Variants in TPX2 observed in about 807,000 individuals in gnomAD.
TPX2 encodes TPX2 microtubule nucleation factor.
Under a neutral mutation model 93.6 loss-of-function variants are expected in TPX2, and 21 were observed. The observed-to-expected ratio is 0.22, with a 90% CI of 0.16 to 0.32. The LOEUF is 0.32. TPX2 is among the 10% of genes least tolerant of loss of function. The pLI is 1.00. For synonymous variants in TPX2, 281 were observed against 298.3 expected, an observed-to-expected ratio of 0.94 and a Z score of 0.60; for missense variants, 776 against 871.1, an observed-to-expected ratio of 0.89 and a Z score of 1.37.
chr20:31,757,273 G>A (rs1399200642), intron 2 of TPX2, 134 bp from the exon 3 acceptor site: 2 of 552,766 alleles, frequency 3.6e-6, no homozygotes, highest in African/African-American at 1.9e-5. Flanking sequence ...AAAAACTAAT[G>A]TTTAGGTTGA....
rs1211338459 is a variant in TPX2 at position 31,793,888 on chromosome 20, C to G, written c.1550C>G (p.Pro517Arg). 1.2e-6 allele frequency: 2 copies of G among 1,611,768 alleles called. No individual in the cohort carries two copies. Among genetic ancestry groups the G allele is most frequent in the South Asian group, 2.2e-5 (2 of 90,808 alleles). ...GTAGTGATAAAAGCTCAACCTGTGC[C>G]ACATTATGGGGTGCCTTTTAAGCCC... ...EPVVIKAQPVPHYGVPFKPQI... is the reference protein window; with the variant it reads ...EPVVIKAQPVRHYGVPFKPQI... Residue 517 changes from proline to arginine, a missense_variant, in exon 14 of 18, where the codon CCA becomes CGA. By Grantham distance (103) the Pro-to-Arg change is moderately radical. Coordinates refer to ENST00000300403, the MANE Select transcript of TPX2 (RefSeq NM_012112.5).
At chr20:31,777,145 G>C (rs1271922669) in intron 8 of TPX2, among the ~76,000 whole-genome samples, 1 of 152,162 alleles carries the variant, frequency 6.6e-6, no homozygotes, top group Non-Finnish European at 1.5e-5. Flanking sequence ...TGAGTTAACT[G>C]TGCTTTCAAA....
chr20:31,799,252 C>T (rs903415307), intron 17 of TPX2, among the ~76,000 whole-genome samples: 3 of 152,090 alleles, frequency 2.0e-5, no homozygotes, highest in Non-Finnish European at 2.9e-5. Context: ...AATGAAGAAG[C>T]AGACAGTTTT....
intron 1 of TPX2, among the ~76,000 whole-genome samples, chr20:31,741,644 A>C (rs773166040): frequency 6.6e-6 from 1 of 151,976 alleles, no homozygotes; most frequent in African/African-American, 2.4e-5. Context: ...ACACCCGGCT[A>C]GTTTTTTTGT....
At chr20:31,771,199 C>T (rs1255003888) in intron 6 of TPX2, among the ~76,000 whole-genome samples, 1 of 152,102 alleles carries the variant, frequency 6.6e-6, no homozygotes, top group Non-Finnish European at 1.5e-5. Flanking sequence ...TAGCTTAGTG[C>T]GTTGCTGCTC....
intron 2 of TPX2, among the ~76,000 whole-genome samples, chr20:31,756,329 T>G (rs1293315054): frequency 1.3e-5 from 2 of 152,154 alleles, no homozygotes; most frequent in African/African-American, 2.4e-5. Context: ...AGGCAACAAT[T>G]TTGTATGATA....
Position 31,792,805 on chromosome 20 carries a change from T to A in TPX2, c.1484T>A (p.Ile495Asn). 1.2e-6 allele frequency: 2 copies of A among 1,614,180 alleles called. No individual in the cohort carries two copies. Among genetic ancestry groups the A allele is most frequent in the Non-Finnish European group, 8.5e-7 (1 of 1,180,024 alleles). ...CCAGCCTTTGCATTGAAGAACAGAATTCGAATGCCCACCAAAGAAGATGAG... is the reference window on the plus strand; with the variant it reads ...CCAGCCTTTGCATTGAAGAACAGAAATCGAATGCCCACCAAAGAAGATGAG... ...KSPAFALKNR[I>N]RMPTKEDEEE... Residue 495 changes from isoleucine to asparagine, a missense_variant, in exon 13 of 18, where the codon ATT (isoleucine) becomes AAT (asparagine). Coordinates refer to ENST00000300403, the MANE Select transcript of TPX2 (RefSeq NM_012112.5).
At position 31,793,881 on chromosome 20, in the gene TPX2, C is replaced by G. The variant is rs532371108; in HGVS notation, c.1543C>G (p.Pro515Ala). Reference protein sequence around the residue: ...EDEPVVIKAQPVPHYGVPFKP... With the variant: ...EDEPVVIKAQAVPHYGVPFKP... ...CGAACCGGTAGTGATAAAAGCTCAACCTGTGCCACATTATGGGGTGCCTTT... is the reference window on the plus strand; with the variant it reads ...CGAACCGGTAGTGATAAAAGCTCAAGCTGTGCCACATTATGGGGTGCCTTT... Residue 515 changes from proline (P) to alanine (A), a missense_variant, in exon 14 of 18, where the codon CCT (proline) becomes GCT (alanine). By Grantham distance (27) the Pro-to-Ala change is conservative (BLOSUM62 -1). Transcript: ENST00000300403. The G allele has an allele frequency of 3.8e-5, 61 of 1,611,188 alleles. No individual in the cohort carries two copies. In the South Asian group the frequency reaches 6.7e-4, roughly 18 times the overall value.
intron 8 of TPX2, among the ~76,000 whole-genome samples, chr20:31,776,685 C>T (rs2062002247): frequency 6.6e-6 from 1 of 152,046 alleles, no homozygotes; most frequent in African/African-American, 2.4e-5. Context: ...ACCACCACGT[C>T]TGGCTAGTTC....
chr20:31,776,050 G>GTTTTTT lies in TPX2; in HGVS notation c.730+98_730+103dup, dbSNP rs10528470. The GTTTTTT allele has an allele frequency of 6.2e-4, 207 of 331,388 alleles. 43 individuals carry two copies. Among genetic ancestry groups the GTTTTTT allele is most frequent in the East Asian group, 1.6e-3 (5 of 3,208 alleles). The allele number at this position is 331,388 out of a possible 1,614,324, so 20.5% of individuals were successfully genotyped here. On this transcript the variant is annotated intron_variant, in intron 8 of 17. Coordinates refer to ENST00000300403, the MANE Select transcript of TPX2 (RefSeq NM_012112.5). ...GTGGTTCTTAACACTCTTGGTAGGT[G>GTTTTTT]TTTTTTTTTTTTTTTTTTTTTTTTT...
At chr20:31,774,458 C>T (rs911642035) in intron 7 of TPX2, among the ~76,000 whole-genome samples, 4 of 151,544 alleles carry the variant, frequency 2.6e-5, no homozygotes, top group African/African-American at 7.3e-5. Context: ...CTATAAGTGT[C>T]CTTGGTGATA....
intron 15 of TPX2, among the ~76,000 whole-genome samples, chr20:31,794,792 A>ATGTG (rs1568610103): frequency 3.8e-4 from 40 of 105,716 alleles, no homozygotes; most frequent in Non-Finnish European, 7.5e-4. Flanking sequence ...GTGTGTGTGT[A>ATGTG]TGTGTGTGTG....
chr20:31,766,420 T>G, intron 4 of TPX2, 136 bp from the exon 5 acceptor site: 1 of 965,762 alleles, frequency 1.0e-6, no homozygotes, highest in Non-Finnish European at 1.5e-6. Context: ...TGTATAAGAT[T>G]TAACTGGAAC....
intron 15 of TPX2, among the ~76,000 whole-genome samples, 180 bp downstream of exon 15, chr20:31,794,728 G>A (rs963900032): frequency 6.6e-6 from 1 of 151,650 alleles, no homozygotes; most frequent in South Asian, 2.1e-4. Context: ...TTTAGGTTTT[G>A]TAGGTTACAT....
rs754249727 is a variant in TPX2, at chr20:31,798,431, G to A, written c.2012G>A (p.Arg671Gln). The change falls in exon 17 of 18, where the codon CGG becomes CAG. Residue 671 changes from arginine (R) to glutamine (Q), a missense_variant. By Grantham distance (43) the Arg-to-Gln change is conservative. Coordinates refer to ENST00000300403, the MANE Select transcript of TPX2 (RefSeq NM_012112.5). ...GCTACTGAGAAGAGAGCCAAAGAGC[G>A]GCAGGAGCTGGAGAAGAGAATGGCT... ...QLATEKRAKE[R>Q]QELEKRMAEV... The A allele has an allele frequency of 7.4e-6, 12 of 1,613,920 alleles. No individual in the cohort carries two copies. Among genetic ancestry groups the A allele is most frequent in the East Asian group, 4.5e-5 (2 of 44,898 alleles).
intron 2 of TPX2, among the ~76,000 whole-genome samples, chr20:31,744,970 C>T (rs1267878987): frequency 1.3e-5 from 2 of 151,956 alleles, no homozygotes; most frequent in Non-Finnish European, 2.9e-5. Context: ...GCCTGTAATC[C>T]CACTTACTCG....
At chr20:31,797,264 G>A in intron 15 of TPX2, 140 bp from the exon 16 acceptor site, 1 of 702,222 alleles carries the variant, frequency 1.4e-6, no homozygotes, top group Non-Finnish European at 2.4e-6. Context: ...TAAAGTTTGT[G>A]TGAAAGATTT....
chr20:31,798,287 C>A, intron 16 of TPX2, 78 bp from the exon 17 acceptor site: 3 of 1,562,316 alleles, frequency 1.9e-6, no homozygotes, highest in Non-Finnish European at 1.8e-6. Context: ...CATGTCTGTG[C>A]CACTTGCTCA....
At chr20:31,797,804 A>T (rs1314530582) in intron 16 of TPX2, among the ~76,000 whole-genome samples, 1 of 152,168 alleles carries the variant, frequency 6.6e-6, no homozygotes, top group African/African-American at 2.4e-5. Flanking sequence ...AAACAAGTAA[A>T]TGAGGGAGGG....
Sources: gnomAD v4.1 joint callset for allele counts (sites outside exome capture counted in the v4.1 genomes callset) on GRCh38, gnomAD v4.1.1 for gene constraint, MANE v1.5 for transcripts, NCBI Gene and HGNC (gene_info 2026-07-23, HGNC 2026-07-21) for gene names.